UBE2W: variants seen among roughly 807,000 people sequenced by gnomAD.
The protein encoded by UBE2W is ubiquitin-conjugating enzyme E2 W.
A neutral mutation model predicts 27.2 loss-of-function variants in UBE2W; 18 were observed. The ratio of observed to expected loss-of-function variants is 0.66; its 90% confidence interval spans 0.46 to 0.98. UBE2W has a LOEUF of 0.98. UBE2W is among the 50% of genes least tolerant of loss of function. The pLI is 0.00. For synonymous variants in UBE2W, 53 were observed against 57.2 expected (o/e 0.93, Z 0.33); for missense variants, 90 against 180.2 (o/e 0.50, Z 2.87).
At chr8:73,827,558 C>T (rs529989238) in intron 2 of UBE2W, among the ~76,000 whole-genome samples, 1 of 151,886 alleles carries the variant, frequency 6.6e-6, no homozygotes, top group Non-Finnish European at 1.5e-5. Flanking sequence ...GAGACAGGGT[C>T]TCACTCTGTC....
chr8:73,825,657 C>T lies in UBE2W; in HGVS notation c.108-408G>A, dbSNP rs191757277. 3.2e-3 allele frequency among the ~76,000 whole-genome samples: 481 copies of T among 152,136 alleles called. 1 individual carries two copies. Among genetic ancestry groups the T allele is most frequent in the Non-Finnish European group, 5.6e-3 (384 of 68,006 alleles). ...CTCTACTAAAAATACAAAAATTAGCCGGGCATGGTGGTGTGCACCTGTAAT... is the reference window on the plus strand; with the variant it reads ...CTCTACTAAAAATACAAAAATTAGCTGGGCATGGTGGTGTGCACCTGTAAT... On this transcript the variant is annotated intron_variant, in intron 2 of 5. Coordinates refer to ENST00000602593, the MANE Select transcript of UBE2W (RefSeq NM_018299.6).
In UBE2W at chr8:73,878,856, G is replaced by A. The variant is rs1445497703; in HGVS notation, c.-34C>T. ...CATCCCCCCAAGACCGGCGAGGCCA[G>A]AGACGCAGGGGGAGGAGCTGCCGTG... On this transcript the variant is annotated 5_prime_UTR_variant, in exon 1 of 6. Coordinates refer to ENST00000602593, the MANE Select transcript of UBE2W (RefSeq NM_018299.6). The A allele has an allele frequency of 6.5e-7, 1 of 1,547,270 alleles. No homozygotes were observed. Among genetic ancestry groups the A allele is most frequent in the South Asian group, 1.2e-5 (1 of 83,826 alleles).
chr8:73,793,482 CAGT>C lies in UBE2W; in HGVS notation c.*617_*619del. ...AATCTTCCATGTCAAAACAACTTGA[CAGT>C]AGATATAAACAATTCAATAAATATG... On this transcript the variant is annotated 3_prime_UTR_variant, in exon 6 of 6. Transcript: ENST00000602593. 1.0e-6 allele frequency: 1 copy of C among 985,818 alleles called. No individual in the cohort carries two copies. 61.1% of individuals were successfully genotyped at this position (985,818 alleles called of 1,614,324 possible).
At chr8:73,780,631 C>T in intron 4 of UBE2W, 1 of 374,246 alleles carries the variant, frequency 2.7e-6, no homozygotes, top group Non-Finnish European at 5.3e-6. Context: ...AAGCAATCTT[C>T]ACACCTTAGT....
intron 4 of UBE2W, among the ~76,000 whole-genome samples, chr8:73,808,615 T>C (rs1319072631): frequency 6.6e-6 from 1 of 152,254 alleles, no homozygotes; most frequent in Non-Finnish European, 1.5e-5. Flanking sequence ...TTCCTCTTCA[T>C]CTTTGTAACT....
Position 73,853,073 on chromosome 8 carries a change from G to C in UBE2W, c.16-22601C>G, listed in dbSNP as rs1211545678. 3.9e-5 allele frequency among the ~76,000 whole-genome samples: 6 copies of C among 152,200 alleles called. 1 individual carries two copies. The highest frequency in any genetic ancestry group is 1.3e-4 in the Admixed American group (2 of 15,268). On this transcript the variant is annotated intron_variant, in intron 1 of 5. Transcript: ENST00000602593. ...TAGATCATAAGGGTGGAAAACTGGT[G>C]AATGGGATTAGTGCCTATAAGAAGG... is the stretch of plus-strand genomic sequence containing the variant.
intron 1 of UBE2W, among the ~76,000 whole-genome samples, chr8:73,866,128 G>A (rs567250414): frequency 2.6e-5 from 4 of 151,754 alleles, no homozygotes; most frequent in South Asian, 4.2e-4. Context: ...AAAATTAGCC[G>A]GGTGTGGCAG....
Position 73,786,769 on chromosome 8 carries a change from C to G in UBE2W, c.*7333G>C, listed in dbSNP as rs1807973798. The G allele has an allele frequency of 1.0e-6, 1 of 985,238 alleles. No individual in the cohort carries two copies. The highest frequency in any genetic ancestry group is 1.7e-5 in the African/African-American group (1 of 57,216). The allele number at this position is 985,238 out of a possible 1,614,324, so 61.0% of individuals were successfully genotyped here. A position where few individuals can be genotyped will look rare whatever the true frequency, so the allele number is the denominator to read the frequency against. ...GAGACTGGAGAGAAGGTAGAAATCT[C>G]AGAGACATTTTAAAGTTACACTCAA... is the stretch of plus-strand genomic sequence containing the variant. On this transcript the variant is annotated 3_prime_UTR_variant, in exon 6 of 6. Transcript: ENST00000602593.
chr8:73,847,772 G>A (rs1480951123), intron 1 of UBE2W, among the ~76,000 whole-genome samples: 1 of 151,714 alleles, frequency 6.6e-6, no homozygotes, highest in Non-Finnish European at 1.5e-5. Flanking sequence ...CATGGTGGCA[G>A]GCACCTGTAA....
chr8:73,834,538 G>T (rs953423647), intron 1 of UBE2W, among the ~76,000 whole-genome samples: 6 of 152,066 alleles, frequency 3.9e-5, no homozygotes, highest in African/African-American at 1.4e-4. Flanking sequence ...GCTACTCAGG[G>T]GGCTGAGGCA....
intron 1 of UBE2W, among the ~76,000 whole-genome samples, chr8:73,844,541 G>C (rs1317347938): frequency 6.6e-6 from 1 of 152,186 alleles, no homozygotes; most frequent in South Asian, 2.1e-4. Flanking sequence ...CCAAAGTGCC[G>C]AGATTGCAGC....
In UBE2W at chr8:73,868,694, T is replaced by C. The variant is rs148037716; in HGVS notation, c.15+10114A>G. On this transcript the variant is annotated intron_variant, in intron 1 of 5. Transcript: ENST00000602593. ...GAACACCCAGCTGGTGTTGAAAAAT[T>C]GCTTGGTGTGAAAAAAAAAAAAAAA... 7.0e-3 allele frequency among the ~76,000 whole-genome samples: 1,018 copies of C among 145,160 alleles called. 11 individuals are homozygous for C. Among genetic ancestry groups the C allele is most frequent in the African/African-American group, 0.027 (986 of 36,770 alleles).
At position 73,840,803 on chromosome 8, in the gene UBE2W, C is replaced by G. The variant is rs543962724; in HGVS notation, c.16-10331G>C. Among the ~76,000 whole-genome samples the G allele has an allele frequency of 2.6e-5, 4 of 152,250 alleles. No individual in the cohort carries two copies. In the East Asian group the frequency reaches 7.7e-4, roughly 29 times the overall value. On this transcript the variant is annotated intron_variant, in intron 1 of 5. Transcript: ENST00000602593. ...AAAAATCTACATAGAAATGGACACA[C>G]AGAGTTCAAACTCGTGTTGTTTCAA...
At chr8:73,864,609 T>C (rs910924793) in intron 1 of UBE2W, among the ~76,000 whole-genome samples, 12 of 152,068 alleles carry the variant, frequency 7.9e-5, no homozygotes, top group Non-Finnish European at 1.6e-4. Context: ...TCTCGCTCTA[T>C]GGCCCAGGAT....
intron 1 of UBE2W, among the ~76,000 whole-genome samples, chr8:73,843,153 G>A (rs1198794984): frequency 6.6e-6 from 1 of 152,174 alleles, no homozygotes; most frequent in African/African-American, 2.4e-5. Flanking sequence ...AGGTAAGCTG[G>A]TGATTGCCAG....
At chr8:73,874,158 G>A (rs554657012) in intron 1 of UBE2W, among the ~76,000 whole-genome samples, 1 of 152,156 alleles carries the variant, frequency 6.6e-6, no homozygotes, top group Non-Finnish European at 1.5e-5. Flanking sequence ...ACGGCCGGGC[G>A]CGGTGGCTGA....
chr8:73,870,289 T>C, intron 1 of UBE2W: 1 of 1,585,810 alleles, frequency 6.3e-7, no homozygotes, highest in East Asian at 2.3e-5. Context: ...ACTTCCACCC[T>C]CCTTCCTGTG....
chr8:73,810,047 C>G (rs1174352439), intron 4 of UBE2W, among the ~76,000 whole-genome samples: 1 of 152,122 alleles, frequency 6.6e-6, no homozygotes, highest in Non-Finnish European at 1.5e-5. Flanking sequence ...GACAGGGAAG[C>G]TCTGGTTCCT....
chr8:73,806,957 C>T lies in UBE2W; in HGVS notation c.367-1231G>A, dbSNP rs577244538. On this transcript the variant is annotated intron_variant, in intron 4 of 5. Coordinates refer to ENST00000602593, the MANE Select transcript of UBE2W (RefSeq NM_018299.6). ...ATATATGAGAAATATATGGCAGCTC[C>T]GCAAGGGAGCTACCGCAGATAAAGT... 9.7e-4 allele frequency among the ~76,000 whole-genome samples: 147 copies of T among 152,206 alleles called. 1 individual carries two copies. The highest frequency in any genetic ancestry group is 3.2e-3 in the African/African-American group (134 of 41,542).
Sources: allele counts gnomAD v4.1 joint callset (sites outside exome capture counted in the v4.1 genomes callset), GRCh38; gene constraint gnomAD v4.1.1; transcripts MANE v1.5; gene names NCBI Gene and HGNC (gene_info 2026-07-23, HGNC 2026-07-21).